The following SLC25A48 variants were observed in gnomAD, a reference collection of about 807,000 sequenced individuals.
The protein encoded by SLC25A48 is CTC-321K16.1.
Under a neutral mutation model 32.2 loss-of-function variants are expected in SLC25A48, and 29 were observed. That is an observed-to-expected ratio of 0.90 (90% CI 0.67 to 1.23). The LOEUF (loss-of-function observed/expected upper bound fraction) is 1.23, where lower values mean the gene tolerates loss of function less well. SLC25A48 is among the 50% of genes most tolerant of loss of function. SLC25A48 has a pLI of 0.00. For synonymous variants in SLC25A48, 164 were observed against 172.3 expected (o/e 0.95, Z 0.38); for missense variants, 399 against 422.7 (o/e 0.94, Z 0.49).
At chr5:135,853,432 G>A (rs949437854) in intron 4 of SLC25A48, among the ~76,000 whole-genome samples, 5 of 152,216 alleles carry the variant, frequency 3.3e-5, no homozygotes, top group Admixed American at 1.3e-4. Flanking sequence ...CCCTGACGCT[G>A]CTTTATCAGC....
At chr5:135,794,596 A>T (rs1443075386) in intron 3 of SLC25A48, among the ~76,000 whole-genome samples, 1 of 151,608 alleles carries the variant, frequency 6.6e-6, no homozygotes, top group Non-Finnish European at 1.5e-5. Context: ...CCCATGTGAA[A>T]TTGTTCCTTA....
At chr5:135,749,193 C>G (rs1462749655) in intron 3 of SLC25A48, among the ~76,000 whole-genome samples, 1 of 151,986 alleles carries the variant, frequency 6.6e-6, no homozygotes, top group African/African-American at 2.4e-5. Flanking sequence ...TGCACAGTGG[C>G]AAGGAAGAAA....
intron 3 of SLC25A48, among the ~76,000 whole-genome samples, chr5:135,762,998 G>C (rs1013916298): frequency 1.3e-5 from 2 of 151,998 alleles, no homozygotes; most frequent in Non-Finnish European, 2.9e-5. Context: ...GAACGTGAGA[G>C]AGTTTGAGTT....
intron 3 of SLC25A48, among the ~76,000 whole-genome samples, chr5:135,646,403 G>A (rs1580750450): frequency 6.6e-6 from 1 of 152,070 alleles, no homozygotes; most frequent in Admixed American, 6.6e-5. Context: ...TGTATAGGTG[G>A]CTGCCTTATC....
chr5:135,731,617 A>G lies in SLC25A48; in HGVS notation c.-520-80906A>G, dbSNP rs140060989. On this transcript the variant is annotated intron_variant, in intron 3 of 10. Coordinates refer to the SLC25A48 transcript ENST00000646290. ...TTAAAAGGAGCATTTGTCATATAGAATGATTGGTGATGGCCTGGATGCTGT... is the reference window on the plus strand; with the variant it reads ...TTAAAAGGAGCATTTGTCATATAGAGTGATTGGTGATGGCCTGGATGCTGT... 7.1e-3 allele frequency among the ~76,000 whole-genome samples: 1,077 copies of G among 152,254 alleles called. 12 individuals carry two copies. The highest frequency in any genetic ancestry group is 0.024 in the African/African-American group (1,008 of 41,542).
intron 3 of SLC25A48, among the ~76,000 whole-genome samples, chr5:135,740,843 ACT>A (rs1008347459): frequency 2.0e-5 from 3 of 152,120 alleles, no homozygotes; most frequent in Non-Finnish European, 4.4e-5. Flanking sequence ...CAAGCTGTAA[ACT>A]CTGCATGCCT....
Position 135,834,697 on chromosome 5 carries a change from G to A in SLC25A48, c.-151G>A, listed in dbSNP as rs1427897778. 3.6e-6 allele frequency: 3 copies of A among 832,182 alleles called. No homozygotes were observed. Among genetic ancestry groups the A allele is most frequent in the Admixed American group, 6.4e-5 (2 of 31,462 alleles). The allele number at this position is 832,182 out of a possible 1,614,324, so 51.5% of individuals were successfully genotyped here. A position where few individuals can be genotyped will look rare whatever the true frequency, so the allele number is the denominator to read the frequency against. On this transcript the variant is annotated 5_prime_UTR_variant, in exon 1 of 8. Coordinates refer to ENST00000681962, the MANE Select transcript of SLC25A48 (RefSeq NM_001349336.2). Reference sequence around the variant, plus strand: ...GGTGAGCGCGGCAGCCCGCGCAGCCGGTGACTGGGGGACTGGGTTTGGAGT... The same window carrying A: ...GGTGAGCGCGGCAGCCCGCGCAGCCAGTGACTGGGGGACTGGGTTTGGAGT...
At chr5:135,801,088 C>T (rs902026187) in intron 3 of SLC25A48, among the ~76,000 whole-genome samples, 3 of 151,282 alleles carry the variant, frequency 2.0e-5, no homozygotes, top group Non-Finnish European at 4.4e-5. Context: ...GGGTTGTAAA[C>T]CCCCCTGTGA....
intron 4 of SLC25A48, among the ~76,000 whole-genome samples, chr5:135,823,412 C>T (rs1432299399): frequency 6.6e-6 from 1 of 152,190 alleles, no homozygotes; most frequent in African/African-American, 2.4e-5. Flanking sequence ...ACCCTCTCCC[C>T]AAGACGTGAC....
chr5:135,850,291 C>A, intron 2 of SLC25A48, 134 bp from the exon 3 acceptor site: 2 of 787,632 alleles, frequency 2.5e-6, no homozygotes, highest in Admixed American at 2.0e-5. Context: ...GGGCACCAGC[C>A]TGGCCAGGAC....
intron 1 of SLC25A48, among the ~76,000 whole-genome samples, chr5:135,841,169 A>T (rs1050072971): frequency 1.1e-4 from 16 of 152,222 alleles, no homozygotes; most frequent in African/African-American, 3.6e-4. Flanking sequence ...AAATGACTAC[A>T]GATGTTGAGC....
At chr5:135,857,841 G>C (rs1199572121) in intron 4 of SLC25A48, among the ~76,000 whole-genome samples, 1 of 152,140 alleles carries the variant, frequency 6.6e-6, no homozygotes, top group African/African-American at 2.4e-5. Flanking sequence ...GGGAGCCTGA[G>C]ATATGGCCTA....
rs114716986 is a variant in SLC25A48, at chr5:135,729,009, T to C, written c.-520-83514T>C. ...TGTAGTTCAGAGCTCTGTGTCCTACTGCTAACCCCAGATGCAAAACAGATG... is the reference window on the plus strand; with the variant it reads ...TGTAGTTCAGAGCTCTGTGTCCTACCGCTAACCCCAGATGCAAAACAGATG... On this transcript the variant is annotated intron_variant, in intron 3 of 10. Coordinates refer to the SLC25A48 transcript ENST00000646290. Among the ~76,000 whole-genome samples the C allele has an allele frequency of 5.1e-3, 779 of 152,306 alleles. 7 individuals carry two copies. Among genetic ancestry groups the C allele is most frequent in the African/African-American group, 0.018 (739 of 41,566 alleles).
At chr5:135,793,817 C>T (rs531155709) in intron 3 of SLC25A48, among the ~76,000 whole-genome samples, 66 of 151,672 alleles carry the variant, frequency 4.4e-4, no homozygotes, top group Middle Eastern at 3.4e-3. Context: ...AGTAGGTTTA[C>T]GCCATGTGTG....
intron 4 of SLC25A48, among the ~76,000 whole-genome samples, chr5:135,863,499 G>A (rs1356828733): frequency 6.6e-6 from 1 of 152,170 alleles, no homozygotes; most frequent in African/African-American, 2.4e-5. Flanking sequence ...GCAGCAAAGA[G>A]AAGACTTAGT....
intron 7 of SLC25A48, among the ~76,000 whole-genome samples, chr5:135,884,431 G>A (rs1052508482): frequency 2.6e-5 from 4 of 152,156 alleles, no homozygotes; most frequent in Admixed American, 2.6e-4. Context: ...GCAAGTTACT[G>A]TTCAAGCTGC....
chr5:135,740,975 T>C (rs1410024205), intron 3 of SLC25A48, among the ~76,000 whole-genome samples: 1 of 152,196 alleles, frequency 6.6e-6, no homozygotes, highest in African/African-American at 2.4e-5. Context: ...GCAGATAAAA[T>C]CATCATCCCT....
chr5:135,859,036 G>A (rs1161515672), intron 4 of SLC25A48, among the ~76,000 whole-genome samples: 23 of 152,072 alleles, frequency 1.5e-4, no homozygotes, highest in Admixed American at 1.3e-3. Context: ...GAGAAGGAAT[G>A]TGGTTTTCTT....
chr5:135,633,150 T>C (rs1169704938), intron 2 of SLC25A48, among the ~76,000 whole-genome samples: 1 of 152,072 alleles, frequency 6.6e-6, no homozygotes, highest in Non-Finnish European at 1.5e-5. Flanking sequence ...TGGATGGATA[T>C]TATTTTTATA....
Sources: gnomAD v4.1 joint callset for allele counts (sites outside exome capture counted in the v4.1 genomes callset) on GRCh38, gnomAD v4.1.1 for gene constraint, MANE v1.5 for transcripts, NCBI Gene and HGNC (gene_info 2026-07-23, HGNC 2026-07-21) for gene names.